The following MALRD1 variants were observed in gnomAD, a reference collection of about 807,000 sequenced individuals.
MALRD1 encodes the protein MAM and LDL-receptor class A domain-containing protein 1.
Under a neutral mutation model 242.1 loss-of-function variants are expected in MALRD1, and 247 were observed. The ratio of observed to expected loss-of-function variants is 1.02; its 90% CI spans 0.92 to 1.13. MALRD1 has a LOEUF of 1.13. Among genes scored for constraint, MALRD1 ranks in the 50% most tolerant of loss-of-function variants. MALRD1 has a pLI of 0.00. For missense variants in MALRD1, 2,989 were observed against 2,533.1 expected (o/e 1.18, Z -3.86); for synonymous variants, 995 against 866.6 (o/e 1.15, Z -2.60).
At chr10:19,145,442 G>A (rs1328561534) in intron 10 of MALRD1, among the ~76,000 whole-genome samples, 4 of 152,008 alleles carry the variant, frequency 2.6e-5, no homozygotes, top group African/African-American at 9.7e-5. Context: ...TCAGGAGTTC[G>A]AGACCAGCCT....
intron 21 of MALRD1, among the ~76,000 whole-genome samples, chr10:19,306,096 T>TAC (rs1398542920): frequency 8.6e-6 from 1 of 116,296 alleles, no homozygotes; most frequent in Non-Finnish European, 1.7e-5. Context: ...ATATACTATA[T>TAC]ACTAGATAGT....
intron 2 of MALRD1, among the ~76,000 whole-genome samples, chr10:19,075,237 G>GC (rs1590393068): frequency 6.6e-6 from 1 of 151,970 alleles, no homozygotes; most frequent in Admixed American, 6.6e-5. Flanking sequence ...GATAAAATCT[G>GC]CCCCCGTCCC....
intron 18 of MALRD1, among the ~76,000 whole-genome samples, chr10:19,228,724 G>A (rs1005181042): frequency 9.2e-5 from 14 of 152,100 alleles, no homozygotes; most frequent in African/African-American, 3.4e-4. Context: ...TTACAGCTAT[G>A]CTCTATATTG....
At chr10:19,562,906 C>G (rs1217854011) in intron 32 of MALRD1, among the ~76,000 whole-genome samples, 1 of 152,148 alleles carries the variant, frequency 6.6e-6, no homozygotes, top group East Asian at 1.9e-4. Context: ...TGCAAAGTCA[C>G]TTCCCCTGGC....
intron 19 of MALRD1, among the ~76,000 whole-genome samples, chr10:19,267,043 A>G (rs978521896): frequency 2.6e-5 from 4 of 152,066 alleles, no homozygotes; most frequent in African/African-American, 7.2e-5. Flanking sequence ...TCAGCTGAAC[A>G]TATATGACAG....
intron 26 of MALRD1, among the ~76,000 whole-genome samples, chr10:19,370,802 C>T (rs1392428439): frequency 6.6e-6 from 1 of 152,084 alleles, no homozygotes; most frequent in African/African-American, 2.4e-5. Context: ...GACTCAAACT[C>T]CTGACCTCAA....
At chr10:19,607,632 A>G in intron 34 of MALRD1, 145 bp from the exon 35 acceptor site, 1 of 1,165,856 alleles carries the variant, frequency 8.6e-7, no homozygotes, top group Non-Finnish European at 1.1e-6. Context: ...AATATTCTTC[A>G]AAAAGAACTG....
chr10:19,685,907 G>A (rs1326968), intron 36 of MALRD1, among the ~76,000 whole-genome samples: 17,090 of 152,158 alleles, frequency 0.11, 1,645 homozygotes, highest in African/African-American at 0.26. Flanking sequence ...GGTGATAGGT[G>A]TGGTTCTGAG....
At chr10:19,233,634 A>G (rs1838177387) in intron 18 of MALRD1, among the ~76,000 whole-genome samples, 1 of 152,176 alleles carries the variant, frequency 6.6e-6, no homozygotes, top group African/African-American at 2.4e-5. Context: ...CTGATTTCCA[A>G]CATGGTGACT....
intron 4 of MALRD1, among the ~76,000 whole-genome samples, chr10:19,101,607 T>C (rs56094583): frequency 0.013 from 1,790 of 134,738 alleles, 40 homozygotes; most frequent in African/African-American, 0.046. Context: ...CATAATTTTA[T>C]GTATATATAC....
At chr10:19,490,628 T>C (rs1036053966) in intron 29 of MALRD1, among the ~76,000 whole-genome samples, 4 of 152,050 alleles carry the variant, frequency 2.6e-5, no homozygotes, top group Admixed American at 2.6e-4. Context: ...CTCTGCTCAG[T>C]GCAGAAAAAT....
intron 33 of MALRD1, among the ~76,000 whole-genome samples, chr10:19,578,986 A>G (rs967610536): frequency 9.2e-5 from 14 of 152,158 alleles, no homozygotes; most frequent in African/African-American, 3.4e-4. Flanking sequence ...AGTTGTTTCT[A>G]TTAGGAAGGC....
intron 32 of MALRD1, among the ~76,000 whole-genome samples, chr10:19,558,398 T>C (rs1415973142): frequency 1.3e-5 from 2 of 152,172 alleles, no homozygotes; most frequent in East Asian, 3.8e-4. Context: ...TCTTTATCAA[T>C]ATGAAGTTCC....
chr10:19,691,764 T>G (rs1842830489), intron 36 of MALRD1, among the ~76,000 whole-genome samples: 1 of 152,180 alleles, frequency 6.6e-6, no homozygotes, highest in Admixed American at 6.6e-5. Context: ...AATTTACTAG[T>G]ACATCAAATG....
At chr10:19,068,047 T>C (rs1835032858) in intron 2 of MALRD1, among the ~76,000 whole-genome samples, 1 of 152,152 alleles carries the variant, frequency 6.6e-6, no homozygotes, top group Non-Finnish European at 1.5e-5. Flanking sequence ...TTAGTTATGT[T>C]AGATGGTGAT....
At chr10:19,323,728 C>A (rs1475927475) in intron 21 of MALRD1, among the ~76,000 whole-genome samples, 2 of 152,204 alleles carry the variant, frequency 1.3e-5, no homozygotes, top group East Asian at 3.9e-4. Context: ...CCTGCCTCAG[C>A]CTCCTGAATA....
At chr10:19,460,681 T>G (rs1044571620) in intron 29 of MALRD1, among the ~76,000 whole-genome samples, 1 of 152,118 alleles carries the variant, frequency 6.6e-6, no homozygotes, top group Non-Finnish European at 1.5e-5. Context: ...AATGTATGAC[T>G]CTACCTAAAA....
chr10:19,201,804 T>A (rs182457557), intron 14 of MALRD1, among the ~76,000 whole-genome samples: 8 of 152,284 alleles, frequency 5.3e-5, no homozygotes, highest in Admixed American at 5.2e-4. Context: ...ACCGAAGATT[T>A]CTAAACTTTA....
At chr10:19,569,378 A>T (rs1013312146) in intron 33 of MALRD1, among the ~76,000 whole-genome samples, 3 of 151,970 alleles carry the variant, frequency 2.0e-5, no homozygotes, top group African/African-American at 7.2e-5. Context: ...TGAATAGAAT[A>T]AAGCCATTTT....
Sources: gnomAD v4.1 joint callset for allele counts (sites outside exome capture counted in the v4.1 genomes callset) on GRCh38, gnomAD v4.1.1 for gene constraint, MANE v1.5 for transcripts, NCBI Gene and HGNC (gene_info 2026-07-23, HGNC 2026-07-21) for gene names.